The following ZBTB20 variants were observed in gnomAD, a reference collection of about 807,000 sequenced individuals.
ZBTB20 encodes the protein zinc finger and BTB domain-containing protein 20.
Under a neutral mutation model 56.9 loss-of-function variants are expected in ZBTB20, and 9 were observed. The ratio of observed to expected loss-of-function variants is 0.16; its 90% CI spans 0.10 to 0.28. The LOEUF (loss-of-function observed/expected upper bound fraction) is 0.28. Among genes scored for constraint, ZBTB20 ranks in the 10% least tolerant of loss-of-function variants. The pLI, the probability that ZBTB20 is intolerant of heterozygous loss-of-function variation, is 1.00. For missense variants in ZBTB20, 655 were observed against 1,003.0 expected (o/e 0.65, Z 4.69); for synonymous variants, 417 against 420.7 (o/e 0.99, Z 0.11).
chr3:114,939,503 T>C (rs1280663928), intron 3 of ZBTB20, among the ~76,000 whole-genome samples: 5 of 146,346 alleles, frequency 3.4e-5, no homozygotes, highest in Admixed American at 1.3e-4. Context: ...ATGGTAGTAA[T>C]AGGAAGTTTT....
At chr3:114,614,906 T>C (rs1003026433) in intron 6 of ZBTB20, among the ~76,000 whole-genome samples, 2 of 152,114 alleles carry the variant, frequency 1.3e-5, no homozygotes, top group Admixed American at 6.6e-5. Context: ...TATAGGTGTG[T>C]GCCACCACAT....
At chr3:115,021,251 T>C (rs1429286110) in intron 2 of ZBTB20, among the ~76,000 whole-genome samples, 1 of 150,928 alleles carries the variant, frequency 6.6e-6, no homozygotes, top group East Asian at 1.9e-4. Context: ...GAATTTTGGA[T>C]TTAGTCAGCT....
At chr3:115,128,738 A>AG (rs1208862694) in intron 1 of ZBTB20, among the ~76,000 whole-genome samples, 1 of 38,464 alleles carries the variant, frequency 2.6e-5, no homozygotes, top group African/African-American at 9.9e-5. Flanking sequence ...AGTGGAGGGG[A>AG]GGGAAGGGGA....
chr3:114,685,976 TA>T, intron 6 of ZBTB20, among the ~76,000 whole-genome samples: 1 of 152,284 alleles, frequency 6.6e-6, no homozygotes, highest in South Asian at 2.1e-4. Context: ...CAAATCTTTA[TA>T]GAACATTCAA....
At chr3:114,749,905 C>A (rs75032139) in intron 5 of ZBTB20, among the ~76,000 whole-genome samples, 2,177 of 152,296 alleles carry the variant, frequency 0.014, 16 homozygotes, top group Middle Eastern at 0.031. Context: ...CAATACATGG[C>A]AGCCAAATCA....
chr3:114,938,469 T>C (rs890265995), intron 3 of ZBTB20, among the ~76,000 whole-genome samples: 30 of 146,440 alleles, frequency 2.0e-4, no homozygotes, highest in Admixed American at 8.6e-4. Context: ...GTGCCACATA[T>C]ACACCATGGA....
At chr3:114,984,495 T>A (rs2078454892) in intron 2 of ZBTB20, among the ~76,000 whole-genome samples, 1 of 151,958 alleles carries the variant, frequency 6.6e-6, no homozygotes, top group South Asian at 2.1e-4. Context: ...GCACAACAAC[T>A]ACCCAGACCC....
chr3:114,887,600 T>G (rs772787461), intron 4 of ZBTB20, among the ~76,000 whole-genome samples: 15 of 152,050 alleles, frequency 9.9e-5, no homozygotes, highest in Non-Finnish European at 2.2e-4. Context: ...AGCCAAAGAA[T>G]AAATGGGACC....
At chr3:114,710,622 A>C (rs1382386488) in intron 5 of ZBTB20, among the ~76,000 whole-genome samples, 1 of 152,120 alleles carries the variant, frequency 6.6e-6, no homozygotes, top group Non-Finnish European at 1.5e-5. Flanking sequence ...GACCCTCAGC[A>C]ACTTTTGTCA....
intron 5 of ZBTB20, among the ~76,000 whole-genome samples, chr3:114,762,262 C>A (rs1206097719): frequency 2.6e-5 from 4 of 152,114 alleles, no homozygotes; most frequent in African/African-American, 7.2e-5. Flanking sequence ...TTGGTACTCA[C>A]TGGGGAAGCC....
intron 7 of ZBTB20, among the ~76,000 whole-genome samples, chr3:114,465,718 A>T (rs2109189961): frequency 6.6e-6 from 1 of 151,876 alleles, no homozygotes; most frequent in Admixed American, 6.6e-5. Flanking sequence ...AAAAAAAAAA[A>T]GAAAGAAAGA....
chr3:114,347,675 A>T (rs887025964), intron 11 of ZBTB20, among the ~76,000 whole-genome samples: 4 of 152,224 alleles, frequency 2.6e-5, no homozygotes, highest in Non-Finnish European at 2.9e-5. Context: ...AAACTTTGTT[A>T]GGTTAGGGGA....
At chr3:115,034,378 AAATAC>A (rs1257527564) in intron 2 of ZBTB20, among the ~76,000 whole-genome samples, 3 of 149,480 alleles carry the variant, frequency 2.0e-5, no homozygotes, top group Non-Finnish European at 4.4e-5. Context: ...ACTAATAAAT[AAATAC>A]AACAAAGCAG....
At position 114,419,885 on chromosome 3, in the gene ZBTB20, G is replaced by A. The variant is rs577170598; in HGVS notation, c.-254-30780C>T. Among the ~76,000 whole-genome samples, 135 of 152,216 alleles carry A rather than the reference G, an allele frequency of 8.9e-4. 1 individual carries two copies. The highest frequency in any genetic ancestry group is 1.5e-3 in the Non-Finnish European group (103 of 67,990). ...AATCTTTAAATATCATAAATTGTTCGAAGCTGGTGATATGTGAGTAGATGT... is the reference window on the plus strand; with the variant it reads ...AATCTTTAAATATCATAAATTGTTCAAAGCTGGTGATATGTGAGTAGATGT... On this transcript the variant is annotated intron_variant, in intron 7 of 11. Coordinates refer to ENST00000675478, the MANE Select transcript of ZBTB20 (RefSeq NM_001348800.3).
At chr3:114,807,695 A>G (rs1268292382) in intron 4 of ZBTB20, among the ~76,000 whole-genome samples, 1 of 152,122 alleles carries the variant, frequency 6.6e-6, no homozygotes, top group Non-Finnish European at 1.5e-5. Context: ...TTGAAAGATT[A>G]TATCACAAAT....
At chr3:114,571,793 T>C (rs2053464178) in intron 6 of ZBTB20, among the ~76,000 whole-genome samples, 1 of 152,162 alleles carries the variant, frequency 6.6e-6, no homozygotes, top group Admixed American at 6.5e-5. Flanking sequence ...TTAGTATCTC[T>C]TGAGGTGGAA....
At chr3:114,947,592 A>C (rs2076926713) in intron 3 of ZBTB20, among the ~76,000 whole-genome samples, 1 of 145,780 alleles carries the variant, frequency 6.9e-6, no homozygotes, top group African/African-American at 2.8e-5. Flanking sequence ...TATAAGTGGG[A>C]GCTACCTAAT....
intron 6 of ZBTB20, among the ~76,000 whole-genome samples, chr3:114,682,587 T>G (rs1430193713): frequency 6.6e-6 from 1 of 152,190 alleles, no homozygotes; most frequent in East Asian, 1.9e-4. Context: ...AAAACTAATC[T>G]ATGATGAAAA....
chr3:114,764,033 G>A (rs143028845), intron 5 of ZBTB20, among the ~76,000 whole-genome samples: 222 of 152,134 alleles, frequency 1.5e-3, no homozygotes, highest in African/African-American at 4.9e-3. Context: ...ATTTTATGAT[G>A]GATTCAAAAC....
Sources: allele counts gnomAD v4.1 joint callset (sites outside exome capture counted in the v4.1 genomes callset), GRCh38; gene constraint gnomAD v4.1.1; transcripts MANE v1.5; gene names NCBI Gene and HGNC (gene_info 2026-07-23, HGNC 2026-07-21).